TAF4B: variants seen among roughly 807,000 people sequenced by gnomAD.
The protein encoded by TAF4B is transcription initiation factor TFIID subunit 4B.
TAF4B carries 38 observed loss-of-function variants against 86.4 expected under a neutral mutation model. That is an observed-to-expected ratio of 0.44 (90% confidence interval 0.34 to 0.58). TAF4B has a LOEUF of 0.58. Among genes scored for constraint, TAF4B ranks in the 20% least tolerant of loss-of-function variants. TAF4B has a pLI of 0.02. For synonymous variants in TAF4B, 388 were observed against 391.2 expected (o/e 0.99, Z 0.10); for missense variants, 988 against 1,027.6 (o/e 0.96, Z 0.53).
chr18:26,341,907 CTGTT>C (rs1353745509), intron 13 of TAF4B, among the ~76,000 whole-genome samples: 3 of 151,194 alleles, frequency 2.0e-5, no homozygotes, highest in Non-Finnish European at 3.0e-5. Flanking sequence ...TTTTTTTTTC[CTGTT>C]TGTTTGTTTT....
chr18:26,241,739 CT>C (rs2055842659), intron 1 of TAF4B, among the ~76,000 whole-genome samples: 1 of 152,172 alleles, frequency 6.6e-6, no homozygotes, highest in Non-Finnish European at 1.5e-5. Flanking sequence ...ATAAATTTCC[CT>C]CTACACACTG....
Position 26,226,888 on chromosome 18 carries a change from T to C in TAF4B, c.-46T>C. 3 of 1,334,410 alleles carry C rather than the reference T, an allele frequency of 2.2e-6. No homozygotes were observed. The highest frequency in any genetic ancestry group is 2.9e-6 in the Non-Finnish European group (3 of 1,046,476). The allele number at this position is 1,334,410 out of a possible 1,614,324, so 82.7% of individuals were successfully genotyped here. On this transcript the variant is annotated 5_prime_UTR_variant, in exon 1 of 15. Transcript: ENST00000269142. ...CGCGCGCCAAGCCTCCCCTCACCTC[T>C]GCTCCCGGAACCGCAGCGCCAAAGC... is the stretch of plus-strand genomic sequence containing the variant.
At position 26,286,107 on chromosome 18, in the gene TAF4B, G is replaced by T. The variant is rs1030798436; in HGVS notation, c.1198G>T (p.Ala400Ser). 4.3e-6 allele frequency: 7 copies of T among 1,614,230 alleles called. No homozygotes were observed. The highest frequency in any genetic ancestry group is 3.3e-5 in the Admixed American group (2 of 60,028). ...GTCAGTGCAAACTTTGAACCCACTT[G>T]CTGGTCCAGTGGGAGCAAAAGCTGG... Reference protein sequence around the residue: ...TVSVQTLNPLAGPVGAKAGVV... With the variant: ...TVSVQTLNPLSGPVGAKAGVV... The change falls in exon 7 of 15, where the codon GCT (alanine) becomes TCT (serine). Residue 400 changes from alanine (A) to serine (S), a missense_variant. Ala to Ser is a moderately conservative substitution (Grantham distance 99, BLOSUM62 1). Coordinates refer to ENST00000269142, the MANE Select transcript of TAF4B (RefSeq NM_005640.3).
At chr18:26,240,610 T>TC (rs1243553159) in intron 1 of TAF4B, among the ~76,000 whole-genome samples, 1 of 152,214 alleles carries the variant, frequency 6.6e-6, no homozygotes, top group African/African-American at 2.4e-5. Context: ...GGCCAGAACT[T>TC]CCAACACTAT....
intron 14 of TAF4B, among the ~76,000 whole-genome samples, chr18:26,387,516 A>T (rs1260061801): frequency 6.6e-6 from 1 of 152,242 alleles, no homozygotes; most frequent in African/African-American, 2.4e-5. Context: ...TACAATAGTT[A>T]AAGTTACATC....
intron 1 of TAF4B, among the ~76,000 whole-genome samples, chr18:26,244,691 G>A (rs1190828680): frequency 6.6e-6 from 1 of 152,086 alleles, no homozygotes; most frequent in Non-Finnish European, 1.5e-5. Context: ...TTCCTATTCG[G>A]CCATCTTGGA....
In TAF4B at chr18:26,327,125, A is replaced by C; in HGVS notation, c.2244A>C (p.Leu748Phe). The C allele has an allele frequency of 3.1e-6, 5 of 1,612,454 alleles. No individual in the cohort carries two copies. The highest frequency in any genetic ancestry group is 2.5e-6 in the Non-Finnish European group (3 of 1,179,698). ...AGGATTTGGAAGAAAGAGAAATGTTACTTAAGGCAGCCAAGGTAAGGGCCA... is the reference window on the plus strand; with the variant it reads ...AGGATTTGGAAGAAAGAGAAATGTTCCTTAAGGCAGCCAAGGTAAGGGCCA... ...QRKDLEEREM[L>F]LKAAKSRSNK... The change falls in exon 12 of 15, where the codon TTA becomes TTC. Residue 748 changes from leucine (L) to phenylalanine (F), a missense_variant. By Grantham distance (22) the Leu-to-Phe change is conservative. Coordinates refer to ENST00000269142, the MANE Select transcript of TAF4B (RefSeq NM_005640.3).
At chr18:26,302,330 C>T (rs1391969926) in intron 9 of TAF4B, among the ~76,000 whole-genome samples, 1 of 145,392 alleles carries the variant, frequency 6.9e-6, no homozygotes, top group Non-Finnish European at 1.5e-5. Flanking sequence ...CAAAGATAGT[C>T]TCCTATATTG....
In TAF4B at chr18:26,226,856, C is replaced by T; in HGVS notation, c.-78C>T. On this transcript the variant is annotated 5_prime_UTR_variant, in exon 1 of 15. Transcript: ENST00000269142. ...TGTGGAACCCGAACCGCACCGGAGT[C>T]GGCTGCCGCGCGCCAAGCCTCCCCT... 7 of 1,190,536 alleles carry T rather than the reference C, an allele frequency of 5.9e-6. No homozygotes were observed. Among genetic ancestry groups the T allele is most frequent in the Non-Finnish European group, 7.6e-6 (7 of 922,972 alleles). The allele number at this position is 1,190,536 out of a possible 1,614,324, so 73.7% of individuals were successfully genotyped here.
chr18:26,291,502 T>G (rs2056592352), intron 7 of TAF4B, among the ~76,000 whole-genome samples: 1 of 151,606 alleles, frequency 6.6e-6, no homozygotes, highest in African/African-American at 2.4e-5. Flanking sequence ...AGGTCAGGAG[T>G]TCGAGACCAG....
chr18:26,337,049 G>A (rs2057097722), intron 13 of TAF4B, among the ~76,000 whole-genome samples: 1 of 152,224 alleles, frequency 6.6e-6, no homozygotes, highest in Non-Finnish European at 1.5e-5. Context: ...ATGAGAACAG[G>A]TGGTAGCAAA....
intron 14 of TAF4B, among the ~76,000 whole-genome samples, chr18:26,359,090 A>C (rs1426216216): frequency 2.6e-5 from 4 of 152,150 alleles, no homozygotes; most frequent in Non-Finnish European, 5.9e-5. Context: ...GCATTCACAA[A>C]TCTACATGTG....
chr18:26,274,894 C>T (rs2056365133), intron 4 of TAF4B, 37 bp from the exon 5 acceptor site: 1 of 1,612,638 alleles, frequency 6.2e-7, no homozygotes, highest in Non-Finnish European at 8.5e-7. Context: ...TGCTCACTAA[C>T]ACTTGTGTTT....
intron 9 of TAF4B, among the ~76,000 whole-genome samples, chr18:26,307,139 C>T (rs563969989): frequency 3.0e-4 from 46 of 152,216 alleles, no homozygotes; most frequent in African/African-American, 1.1e-3. Flanking sequence ...TCGATGTTGG[C>T]TCTTTTGTTA....
intron 13 of TAF4B, among the ~76,000 whole-genome samples, chr18:26,336,608 T>C (rs946280040): frequency 1.1e-4 from 16 of 152,220 alleles, no homozygotes; most frequent in Non-Finnish European, 1.9e-4. Context: ...TATACTGATG[T>C]CTTTCCAGTG....
At chr18:26,377,136 G>T (rs1325621620) in intron 14 of TAF4B, among the ~76,000 whole-genome samples, 1 of 151,998 alleles carries the variant, frequency 6.6e-6, no homozygotes, top group African/African-American at 2.4e-5. Context: ...GTCTGCAGTG[G>T]TTTTTTCATG....
At chr18:26,363,126 T>G (rs1291261323) in intron 14 of TAF4B, among the ~76,000 whole-genome samples, 2 of 152,172 alleles carry the variant, frequency 1.3e-5, no homozygotes, top group African/African-American at 4.8e-5. Flanking sequence ...AAGGGATGAC[T>G]ATAATGTCAA....
At chr18:26,243,225 C>G (rs1186550859) in intron 1 of TAF4B, among the ~76,000 whole-genome samples, 1 of 152,168 alleles carries the variant, frequency 6.6e-6, no homozygotes, top group East Asian at 1.9e-4. Flanking sequence ...GTACACCAAT[C>G]AGATGTAGAT....
At chr18:26,350,982 A>G (rs1013550885) in intron 13 of TAF4B, among the ~76,000 whole-genome samples, 2 of 152,240 alleles carry the variant, frequency 1.3e-5, no homozygotes, top group Non-Finnish European at 2.9e-5. Flanking sequence ...TCTTAAAATT[A>G]CAAATAGAAC....
Sources: allele counts gnomAD v4.1 joint callset (sites outside exome capture counted in the v4.1 genomes callset), GRCh38; gene constraint gnomAD v4.1.1; transcripts MANE v1.5; gene names NCBI Gene and HGNC (gene_info 2026-07-23, HGNC 2026-07-21).